Variants in SORCS2 observed in about 807,000 individuals in gnomAD.
The protein encoded by SORCS2 is VPS10 domain-containing receptor SorCS2.
Under a neutral mutation model 141.6 loss-of-function variants are expected in SORCS2, and 100 were observed. That is an observed-to-expected ratio of 0.71 (90% CI 0.60 to 0.83). SORCS2 has a LOEUF of 0.83. Ranked by LOEUF, SORCS2 falls within the 40% of genes least tolerant of loss-of-function variation. SORCS2 has a pLI of 0.00. For synonymous variants in SORCS2, 789 were observed against 676.9 expected (o/e 1.17, Z -2.57); for missense variants, 1,646 against 1,560.2 (o/e 1.05, Z -0.93).
intron 3 of SORCS2, among the ~76,000 whole-genome samples, chr4:7,554,400 C>A (rs969939750): frequency 6.6e-6 from 1 of 152,144 alleles, no homozygotes; most frequent in Non-Finnish European, 1.5e-5. Context: ...CTTGGAGACA[C>A]TACATGTGGG....
chr4:7,471,459 A>G (rs762876596), intron 2 of SORCS2, among the ~76,000 whole-genome samples: 1 of 152,212 alleles, frequency 6.6e-6, no homozygotes, highest in African/African-American at 2.4e-5. Flanking sequence ...TTTGCTCTAA[A>G]TGGCAATTTT....
intron 2 of SORCS2, among the ~76,000 whole-genome samples, chr4:7,531,320 G>A (rs1397710448): frequency 6.6e-6 from 1 of 152,194 alleles, no homozygotes; most frequent in Non-Finnish European, 1.5e-5. Context: ...CTCCACACCT[G>A]TGTGAGTCCT....
Position 7,199,565 on chromosome 4 carries a change from C to T in SORCS2, c.480+6439C>T, listed in dbSNP as rs367758724. ...CCCATGGTGTTTCCTGGCTGGGGTC[C>T]GAGGGAGGCTGTTGCTGTGGTCTGG... On this transcript the variant is annotated intron_variant, in intron 1 of 26. Coordinates refer to ENST00000507866, the MANE Select transcript of SORCS2 (RefSeq NM_020777.3). Among the ~76,000 whole-genome samples the T allele has an allele frequency of 5.6e-3, 853 of 151,856 alleles. 9 individuals are homozygous for T. In the Middle Eastern group the frequency reaches 0.068, roughly 12 times the overall value.
Position 7,443,458 on chromosome 4 carries a change from C to A in SORCS2, c.548+47103C>A, listed in dbSNP as rs531003934. Among the ~76,000 whole-genome samples, 3 of 152,360 alleles carry A rather than the reference C, an allele frequency of 2.0e-5. No homozygotes were observed. The East Asian group carries it at 5.8e-4, about 29-fold the overall frequency. On this transcript the variant is annotated intron_variant, in intron 2 of 26. Coordinates refer to ENST00000507866, the MANE Select transcript of SORCS2 (RefSeq NM_020777.3). ...GGAGCCTCAACCCCCTGAGATCACACAGGCCTGAGACGCAGGGAGTTTTGG... is the reference window on the plus strand; with the variant it reads ...GGAGCCTCAACCCCCTGAGATCACAAAGGCCTGAGACGCAGGGAGTTTTGG...
intron 2 of SORCS2, among the ~76,000 whole-genome samples, chr4:7,397,484 G>A (rs4689725): frequency 6.6e-6 from 1 of 152,022 alleles, no homozygotes; most frequent in African/African-American, 2.4e-5. Flanking sequence ...TCACTCCCCA[G>A]ACCCACTGGT....
intron 1 of SORCS2, among the ~76,000 whole-genome samples, chr4:7,348,296 A>T (rs980717011): frequency 2.0e-5 from 3 of 151,952 alleles, no homozygotes; most frequent in African/African-American, 7.2e-5. Flanking sequence ...CAGAGAAAGC[A>T]TATTGTGCGA....
At chr4:7,738,300 C>T (rs965719819) in intron 26 of SORCS2, among the ~76,000 whole-genome samples, 2 of 152,254 alleles carry the variant, frequency 1.3e-5, no homozygotes, top group Admixed American at 6.5e-5. Flanking sequence ...CGCCGGCAGC[C>T]AGGCGGTGTG....
At chr4:7,416,532 ACACACGCC>A (rs1397482087) in intron 2 of SORCS2, among the ~76,000 whole-genome samples, 1 of 132,094 alleles carries the variant, frequency 7.6e-6, no homozygotes, top group African/African-American at 3.3e-5. Context: ...TGACACACTC[ACACACGCC>A]CACACGTGCA....
intron 3 of SORCS2, among the ~76,000 whole-genome samples, chr4:7,581,996 A>G (rs1438241717): frequency 6.6e-6 from 1 of 152,256 alleles, no homozygotes; most frequent in South Asian, 2.1e-4. Context: ...ATCTACCCAC[A>G]TTATCAGGAA....
chr4:7,723,955 C>G, intron 19 of SORCS2, 72 bp downstream of exon 19: 3 of 1,461,354 alleles, frequency 2.1e-6, no homozygotes, highest in East Asian at 2.5e-5. Flanking sequence ...GGGGGAAACA[C>G]AGGGAAGCCC....
intron 8 of SORCS2, among the ~76,000 whole-genome samples, chr4:7,668,716 A>G (rs1430506839): frequency 2.6e-5 from 4 of 152,162 alleles, no homozygotes; most frequent in African/African-American, 9.7e-5. Flanking sequence ...ATTAAAAGCT[A>G]ATGGTTTCAT....
chr4:7,617,198 T>C (rs1259698330), intron 3 of SORCS2, among the ~76,000 whole-genome samples: 1 of 152,168 alleles, frequency 6.6e-6, no homozygotes, highest in Non-Finnish European at 1.5e-5. Context: ...TATATTTATC[T>C]ATCCATTGGT....
In SORCS2 at chr4:7,348,456, C is replaced by T. The variant is rs778447472; in HGVS notation, c.481-47832C>T. On this transcript the variant is annotated intron_variant, in intron 1 of 26. Coordinates refer to ENST00000507866, the MANE Select transcript of SORCS2 (RefSeq NM_020777.3). Reference sequence around the variant, plus strand: ...ACAATGGCCCCACTACTGTCATCAGCCTCCACTTTATAGATGATGAAACTG... The same window carrying T: ...ACAATGGCCCCACTACTGTCATCAGTCTCCACTTTATAGATGATGAAACTG... Among the ~76,000 whole-genome samples, 5 of 152,312 alleles carry T rather than the reference C, an allele frequency of 3.3e-5. No individual in the cohort carries two copies. In the East Asian group the frequency reaches 9.6e-4, roughly 29 times the overall value.
At chr4:7,712,640 T>A (rs1725898975) in intron 14 of SORCS2, 93 bp from the exon 15 acceptor site, 1 of 1,548,978 alleles carries the variant, frequency 6.5e-7, no homozygotes, top group African/African-American at 1.4e-5. Context: ...ATGGTACAGG[T>A]AGGAACAGAG....
intron 3 of SORCS2, among the ~76,000 whole-genome samples, chr4:7,604,473 A>G (rs1405885522): frequency 6.6e-6 from 1 of 152,190 alleles, no homozygotes; most frequent in Non-Finnish European, 1.5e-5. Context: ...GCCCGCCACC[A>G]CGCACGGCTC....
At chr4:7,553,009 G>T (rs1035752773) in intron 3 of SORCS2, among the ~76,000 whole-genome samples, 2 of 152,172 alleles carry the variant, frequency 1.3e-5, no homozygotes, top group African/African-American at 4.8e-5. Context: ...GACAATAAAA[G>T]TTTCAACCAT....
At chr4:7,624,261 G>C (rs1719386008) in intron 3 of SORCS2, among the ~76,000 whole-genome samples, 1 of 152,110 alleles carries the variant, frequency 6.6e-6, no homozygotes, top group East Asian at 1.9e-4. Context: ...ACTCTGAGGA[G>C]CTTACATTCA....
intron 1 of SORCS2, among the ~76,000 whole-genome samples, chr4:7,374,973 A>C (rs1287958498): frequency 2.6e-5 from 4 of 152,160 alleles, no homozygotes; most frequent in Non-Finnish European, 5.9e-5. Context: ...TGTTTCAGGC[A>C]AATTGACATT....
intron 2 of SORCS2, among the ~76,000 whole-genome samples, chr4:7,445,010 G>A (rs764704347): frequency 8.0e-4 from 122 of 152,348 alleles, no homozygotes; most frequent in Non-Finnish European, 1.1e-3. Flanking sequence ...GATCCAGGGC[G>A]GGGAGCAGAG....
Sources: allele counts gnomAD v4.1 joint callset (sites outside exome capture counted in the v4.1 genomes callset), GRCh38; gene constraint gnomAD v4.1.1; transcripts MANE v1.5; gene names NCBI Gene and HGNC (gene_info 2026-07-23, HGNC 2026-07-21).